RAB3IP: variants seen among roughly 807,000 people sequenced by gnomAD.
RAB3IP encodes rab-3A-interacting protein.
A neutral mutation model predicts 59.1 loss-of-function variants in RAB3IP; 36 were observed. That is an observed-to-expected ratio of 0.61 (90% CI 0.47 to 0.80). The LOEUF (loss-of-function observed/expected upper bound fraction) is 0.80. RAB3IP is among the 30% of genes least tolerant of loss of function. The probability of loss-of-function intolerance (pLI) is 0.00; values close to 1 mark genes in which losing one functional copy is unlikely to be tolerated. For missense variants in RAB3IP, 511 were observed against 536.0 expected, an observed-to-expected ratio of 0.95 and a Z score of 0.46; for synonymous variants, 207 against 191.2, an observed-to-expected ratio of 1.08 and a Z score of -0.68.
chr12:69,800,561 G>A (rs770589132), intron 7 of RAB3IP, among the ~76,000 whole-genome samples: 1 of 152,124 alleles, frequency 6.6e-6, no homozygotes, highest in Non-Finnish European at 1.5e-5. Context: ...ACTCAAATGT[G>A]TACTGCATTG....
At chr12:69,793,075 A>T (rs1876890363) in intron 4 of RAB3IP, among the ~76,000 whole-genome samples, 1 of 151,174 alleles carries the variant, frequency 6.6e-6, no homozygotes, top group South Asian at 2.1e-4. Context: ...GTTGACAGCC[A>T]CTTGTCCCAG....
chr12:69,748,691 A>G (rs1032828664), intron 1 of RAB3IP, among the ~76,000 whole-genome samples: 10 of 152,218 alleles, frequency 6.6e-5, no homozygotes, highest in Non-Finnish European at 1.5e-4. Context: ...ATGATCCTTG[A>G]CAAGTTTAAT....
chr12:69,810,080 C>A (rs563259078), intron 8 of RAB3IP, among the ~76,000 whole-genome samples: 1 of 152,074 alleles, frequency 6.6e-6, no homozygotes, highest in Non-Finnish European at 1.5e-5. Flanking sequence ...GTTTTTGGTG[C>A]AGATGTCCTT....
chr12:69,739,886 C>T, intron 1 of RAB3IP: 2 of 1,613,628 alleles, frequency 1.2e-6, no homozygotes, highest in Non-Finnish European at 1.7e-6. Flanking sequence ...TCTTGAAAGA[C>T]ACGAGCGCTG....
chr12:69,791,997 G>A (rs1876703189), intron 4 of RAB3IP, among the ~76,000 whole-genome samples: 1 of 152,172 alleles, frequency 6.6e-6, no homozygotes, highest in South Asian at 2.1e-4. Context: ...TGGAAATCCT[G>A]CCTTTTGCAA....
chr12:69,761,271 C>A (rs752242075), intron 3 of RAB3IP, among the ~76,000 whole-genome samples: 6 of 152,160 alleles, frequency 3.9e-5, no homozygotes, highest in Non-Finnish European at 7.3e-5. Context: ...TTTGCTTGCT[C>A]TGCTTAATAT....
rs1359846477 is a variant in RAB3IP, at chr12:69,755,498, T to C, written c.90T>C (p.Thr30=). Residue 30 remains threonine, a synonymous_variant, in exon 2 of 11, where the codon ACT becomes ACC. Transcript: ENST00000247833. ...TTCTTGGTGTGTATGAATCAGGAAC[T>C]CAAGAGCAGACTACCTCACCAAGTG... The part of the protein sequence containing the change: ...PDLLGVYESG[T]QEQTTSPSVI... The C allele has an allele frequency of 1.2e-6, 2 of 1,614,128 alleles. No homozygotes were observed. Among genetic ancestry groups the C allele is most frequent in the Non-Finnish European group, 8.5e-7 (1 of 1,180,010 alleles).
chr12:69,786,074 T>TC (rs1875599816), intron 4 of RAB3IP, among the ~76,000 whole-genome samples: 1 of 152,172 alleles, frequency 6.6e-6, no homozygotes, highest in Non-Finnish European at 1.5e-5. Context: ...ATAATAAACT[T>TC]GGGGGGGTGG....
At chr12:69,798,448 C>G (rs367835165) in intron 6 of RAB3IP, among the ~76,000 whole-genome samples, 3 of 150,706 alleles carry the variant, frequency 2.0e-5, no homozygotes, top group African/African-American at 7.3e-5. Flanking sequence ...GAGTAGGTTG[C>G]GAAAATTTTC....
At chr12:69,795,367 C>T (rs1431383230) in intron 6 of RAB3IP, 23 bp downstream of exon 6, 3 of 1,576,456 alleles carry the variant, frequency 1.9e-6, no homozygotes, top group Admixed American at 3.3e-5. Flanking sequence ...GGACTGTCCC[C>T]TCTGACTCTG....
intron 1 of RAB3IP, among the ~76,000 whole-genome samples, chr12:69,748,317 G>C (rs1592438133): frequency 1.3e-5 from 2 of 152,006 alleles, no homozygotes; most frequent in Admixed American, 6.6e-5. Flanking sequence ...GATGGCTTTT[G>C]TTTTCAAGAA....
Position 69,755,532 on chromosome 12 carries a change from C to A in RAB3IP, c.124C>A (p.Arg42=). The stretch of plus-strand genomic sequence containing the variant: ...GACTACCTCACCAAGTGTCATCTAC[C>A]GGCCACACCCTTCAGCTTTATCCTC... The part of the protein sequence containing the change: ...EQTTSPSVIY[R]PHPSALSSVP... Residue 42 remains arginine (R), a synonymous_variant, in exon 2 of 11, where the codon CGG becomes AGG. Coordinates refer to ENST00000247833, the MANE Select transcript of RAB3IP (RefSeq NM_022456.5). The A allele has an allele frequency of 6.2e-7, 1 of 1,614,040 alleles. No individual in the cohort carries two copies. Among genetic ancestry groups the A allele is most frequent in the Non-Finnish European group, 8.5e-7 (1 of 1,180,016 alleles).
At chr12:69,775,287 G>T (rs2074961433) in intron 3 of RAB3IP, among the ~76,000 whole-genome samples, 1 of 117,992 alleles carries the variant, frequency 8.5e-6, no homozygotes. Flanking sequence ...TGCTGAAGTT[G>T]CTTATCAGCT....
intron 1 of RAB3IP, among the ~76,000 whole-genome samples, chr12:69,749,975 A>C (rs1868968588): frequency 6.6e-6 from 1 of 152,184 alleles, no homozygotes; most frequent in Admixed American, 6.5e-5. Context: ...AAATAGGGTT[A>C]ATGTTGCAGG....
chr12:69,795,481 A>G, intron 6 of RAB3IP, 137 bp downstream of exon 6: 2 of 681,054 alleles, frequency 2.9e-6, no homozygotes, highest in South Asian at 3.6e-5. Context: ...GGCTTTATCT[A>G]GAGCTGGCTG....
intron 3 of RAB3IP, among the ~76,000 whole-genome samples, chr12:69,761,221 G>GT (rs1871260851): frequency 6.6e-6 from 1 of 152,134 alleles, no homozygotes; most frequent in Admixed American, 6.5e-5. Context: ...AGACATTGTA[G>GT]TTTTCATCTC....
rs921600826 is a variant in RAB3IP at position 69,821,101 on chromosome 12, A to C, written c.*5655A>C. ...TACTTTTGGAGGAACGTCTGAGGTCATGAGGACTAGATTCTAGAGCTACAG... is the reference window on the plus strand; with the variant it reads ...TACTTTTGGAGGAACGTCTGAGGTCCTGAGGACTAGATTCTAGAGCTACAG... On this transcript the variant is annotated 3_prime_UTR_variant, in exon 11 of 11. Transcript: ENST00000247833. The C allele has an allele frequency of 6.6e-6, 1 of 152,236 alleles. No individual in the cohort carries two copies. The highest frequency in any genetic ancestry group is 1.5e-5 in the Non-Finnish European group (1 of 68,064). The allele number at this position is 152,236 out of a possible 1,614,324, so 9.4% of individuals were successfully genotyped here. A position where few individuals can be genotyped will look rare whatever the true frequency, so the allele number is the denominator to read the frequency against.
At chr12:69,739,790 C>T in intron 1 of RAB3IP, 1 of 1,608,662 alleles carries the variant, frequency 6.2e-7, no homozygotes, top group Non-Finnish European at 8.5e-7. Context: ...AGCTTACTGG[C>T]TCCAGAAGTG....
At chr12:69,760,366 C>A (rs112427532) in intron 3 of RAB3IP, among the ~76,000 whole-genome samples, 2 of 152,240 alleles carry the variant, frequency 1.3e-5, no homozygotes, top group East Asian at 3.9e-4. Context: ...AGAGGGAGAC[C>A]GTGGAAAGAG....
Sources: gnomAD v4.1 joint callset for allele counts (sites outside exome capture counted in the v4.1 genomes callset) on GRCh38, gnomAD v4.1.1 for gene constraint, MANE v1.5 for transcripts, NCBI Gene and HGNC (gene_info 2026-07-23, HGNC 2026-07-21) for gene names.